Variants in C12orf56 observed in about 807,000 individuals in gnomAD.
C12orf56 encodes uncharacterized protein C12orf56.
In C12orf56, 71 loss-of-function variants were observed where a neutral mutation model predicts 69.9. The observed-to-expected ratio is 1.02, with a 90% CI of 0.84 to 1.24. The LOEUF is 1.24. Ranked by LOEUF, C12orf56 falls within the 50% of genes most tolerant of loss-of-function variation. The pLI is 0.00. For missense variants in C12orf56, 732 were observed against 738.5 expected (o/e 0.99, Z 0.10); for synonymous variants, 276 against 274.1 (o/e 1.01, Z -0.07).
chr12:64,336,678 A>C (rs1188486312), intron 2 of C12orf56, among the ~76,000 whole-genome samples: 1 of 152,194 alleles, frequency 6.6e-6, no homozygotes, highest in Non-Finnish European at 1.5e-5. Context: ...CATCCATGAA[A>C]GTGTAAAAGC....
In C12orf56 at chr12:64,390,412, A is replaced by T; in HGVS notation, c.154T>A (p.Tyr52Asn). The change falls in exon 1 of 13, where the codon TAT becomes AAT. Residue 52 changes from tyrosine (Y) to asparagine (N), a missense_variant. Tyr to Asn is a moderately radical substitution (Grantham distance 143). Coordinates refer to ENST00000543942, the MANE Select transcript of C12orf56 (RefSeq NM_001170633.2). The stretch of plus-strand genomic sequence containing the variant: ...ACGAGCCGGTCGCTTAGCACCACAT[A>T]CTTGAGGATGTGGTTCTCAGAGTTG... ...VSNSENHILKYVVLSDRLVYL... is the reference protein window; with the variant it reads ...VSNSENHILKNVVLSDRLVYL... The T allele has an allele frequency of 6.2e-7, 1 of 1,612,932 alleles. No individual in the cohort carries two copies. The highest frequency in any genetic ancestry group is 8.5e-7 in the Non-Finnish European group (1 of 1,179,680).
intron 12 of C12orf56, among the ~76,000 whole-genome samples, chr12:64,269,901 C>A (rs923401400): frequency 3.9e-5 from 6 of 151,980 alleles, no homozygotes; most frequent in Non-Finnish European, 5.9e-5. Flanking sequence ...GTTTATTACT[C>A]TTAATTACTC....
intron 1 of C12orf56, among the ~76,000 whole-genome samples, chr12:64,370,758 A>G (rs2039559900): frequency 1.3e-5 from 2 of 152,250 alleles, no homozygotes; most frequent in South Asian, 2.1e-4. Context: ...TGCTGAAGGC[A>G]TCACATTTCC....
At chr12:64,342,906 C>T (rs1331399942) in intron 2 of C12orf56, among the ~76,000 whole-genome samples, 1 of 152,230 alleles carries the variant, frequency 6.6e-6, no homozygotes, top group East Asian at 1.9e-4. Flanking sequence ...ACAGCTCAAG[C>T]ACCATTGGAT....
chr12:64,357,933 A>G (rs1052105939), intron 1 of C12orf56, among the ~76,000 whole-genome samples: 1 of 150,542 alleles, frequency 6.6e-6, no homozygotes, highest in Non-Finnish European at 1.5e-5. Context: ...AAAAGAAATA[A>G]AGAAAACAAA....
intron 2 of C12orf56, among the ~76,000 whole-genome samples, chr12:64,351,640 T>C (rs1318294461): frequency 6.6e-6 from 1 of 152,058 alleles, no homozygotes; most frequent in Non-Finnish European, 1.5e-5. Context: ...GAAAGCCGCT[T>C]TGATACCCAT....
intron 1 of C12orf56, among the ~76,000 whole-genome samples, chr12:64,356,697 C>T (rs567832848): frequency 6.6e-6 from 1 of 152,220 alleles, no homozygotes; most frequent in East Asian, 1.9e-4. Context: ...ATGTGAACTA[C>T]TGATTAGAAC....
intron 1 of C12orf56, among the ~76,000 whole-genome samples, chr12:64,383,661 C>A (rs1308289161): frequency 6.6e-6 from 1 of 152,060 alleles, no homozygotes; most frequent in Non-Finnish European, 1.5e-5. Flanking sequence ...AGGCATGAGC[C>A]ACCACGCTGG....
intron 2 of C12orf56, among the ~76,000 whole-genome samples, chr12:64,336,960 T>C (rs889965064): frequency 5.3e-5 from 8 of 152,118 alleles, no homozygotes; most frequent in Middle Eastern, 3.2e-3. Flanking sequence ...GTGAAGCTAG[T>C]AATGGAGATG....
chr12:64,317,624 G>A (rs1408621024), intron 4 of C12orf56, among the ~76,000 whole-genome samples: 1 of 152,080 alleles, frequency 6.6e-6, no homozygotes, highest in Non-Finnish European at 1.5e-5. Context: ...GCCGGGCGTG[G>A]TGGTGGGCAA....
chr12:64,269,899 C>G (rs1199706447), intron 12 of C12orf56, among the ~76,000 whole-genome samples: 2 of 152,020 alleles, frequency 1.3e-5, no homozygotes, highest in African/African-American at 4.8e-5. Context: ...AAGTTTATTA[C>G]TCTTAATTAC....
At chr12:64,312,599 A>C in intron 5 of C12orf56, 80 bp downstream of exon 5, 1 of 1,042,144 alleles carries the variant, frequency 9.6e-7, no homozygotes, top group Non-Finnish European at 1.4e-6. Flanking sequence ...ACAGAGTGAG[A>C]CTCAGTTTCA....
chr12:64,277,565 C>T, intron 9 of C12orf56, 115 bp downstream of exon 9: 1 of 661,196 alleles, frequency 1.5e-6, no homozygotes, highest in Non-Finnish European at 2.1e-6. Context: ...AAAAGATCTA[C>T]TCTTTGGTTT....
chr12:64,267,255 C>A lies in C12orf56; in HGVS notation c.1797G>T (p.Arg599Ser). The A allele has an allele frequency of 6.2e-7, 1 of 1,611,990 alleles. No homozygotes were observed. The highest frequency in any genetic ancestry group is 8.5e-7 in the Non-Finnish European group (1 of 1,179,224). ...GAGTGATGGGGTAACACAATGGGAG[C>A]CTTTTCTGCAAGGCTGGCATGTGAA... The part of the protein sequence containing the change: ...YFIHMPALQK[R>S]LPLCYPITQP... The change falls in exon 13 of 13, where the codon AGG becomes AGT. Residue 599 changes from arginine (R) to serine (S), a missense_variant. Physicochemically the swap from Arg to Ser is moderately radical, Grantham distance 110. Coordinates refer to ENST00000543942, the MANE Select transcript of C12orf56 (RefSeq NM_001170633.2).
At chr12:64,286,453 A>G (rs552541060) in intron 6 of C12orf56, among the ~76,000 whole-genome samples, 19 of 152,358 alleles carry the variant, frequency 1.2e-4, no homozygotes, top group African/African-American at 4.6e-4. Flanking sequence ...ATAATGAATA[A>G]GCAAGTTCTC....
intron 4 of C12orf56, among the ~76,000 whole-genome samples, chr12:64,316,535 T>A (rs1409303133): frequency 6.6e-6 from 1 of 152,164 alleles, no homozygotes. Context: ...TAGGTGCTAC[T>A]ACACCACACC....
At chr12:64,348,217 G>A (rs11522926) in intron 2 of C12orf56, among the ~76,000 whole-genome samples, 14,359 of 152,188 alleles carry the variant, frequency 0.094, 915 homozygotes, top group Middle Eastern at 0.15. Flanking sequence ...GGCAGAAGTT[G>A]CAGTGAGCTG....
intron 1 of C12orf56, among the ~76,000 whole-genome samples, chr12:64,382,562 G>C (rs1171882187): frequency 6.6e-6 from 1 of 151,992 alleles, no homozygotes. Flanking sequence ...AACTCTATAA[G>C]TAAAACTGCC....
chr12:64,332,068 G>T (rs189266537), intron 2 of C12orf56, among the ~76,000 whole-genome samples: 316 of 152,218 alleles, frequency 2.1e-3, no homozygotes, highest in African/African-American at 7.2e-3. Context: ...AGTTTGGGAG[G>T]CTGAAGCAGA....
Sources: gnomAD v4.1 joint callset for allele counts (sites outside exome capture counted in the v4.1 genomes callset) on GRCh38, gnomAD v4.1.1 for gene constraint, MANE v1.5 for transcripts, NCBI Gene and HGNC (gene_info 2026-07-23, HGNC 2026-07-21) for gene names.